The following MAGI2 variants were observed in gnomAD, a reference collection of about 807,000 sequenced individuals.
MAGI2 encodes the protein membrane associated guanylate kinase, WW and PDZ domain containing 2.
A neutral mutation model predicts 133.3 loss-of-function variants in MAGI2; 35 were observed. That is an observed-to-expected ratio of 0.26 (90% CI 0.20 to 0.35). The LOEUF is 0.35. Ranked by LOEUF, MAGI2 falls within the 10% of genes least tolerant of loss-of-function variation. The pLI is 1.00. For synonymous variants in MAGI2, 729 were observed against 710.6 expected, an observed-to-expected ratio of 1.03 and a Z score of -0.41; for missense variants, 1,636 against 1,863.4, an observed-to-expected ratio of 0.88 and a Z score of 2.25.
chr7:78,831,995 G>C (rs921884985), intron 2 of MAGI2, among the ~76,000 whole-genome samples: 8 of 152,264 alleles, frequency 5.3e-5, no homozygotes, highest in African/African-American at 1.9e-4. Flanking sequence ...ATTACCTGCA[G>C]AAAGAGCGAA....
intron 7 of MAGI2, among the ~76,000 whole-genome samples, chr7:78,362,678 A>T (rs1014741069): frequency 6.6e-6 from 1 of 152,260 alleles, no homozygotes; most frequent in African/African-American, 2.4e-5. Context: ...TAATAAAAAA[A>T]CTAGCTCTAG....
intron 9 of MAGI2, among the ~76,000 whole-genome samples, chr7:78,283,198 T>TTAAG (rs1491175714): frequency 3.3e-5 from 5 of 151,610 alleles, no homozygotes; most frequent in East Asian, 1.9e-4. Context: ...ATTCTAAAAC[T>TTAAG]TAAGTACAGA....
intron 10 of MAGI2, among the ~76,000 whole-genome samples, chr7:78,225,418 C>G (rs962668629): frequency 2.6e-5 from 4 of 152,066 alleles, no homozygotes; most frequent in African/African-American, 9.7e-5. Context: ...GGCACAGTCA[C>G]CATTCACTGC....
At chr7:79,195,411 A>G (rs975818620) in intron 1 of MAGI2, among the ~76,000 whole-genome samples, 3 of 152,066 alleles carry the variant, frequency 2.0e-5, no homozygotes, top group Non-Finnish European at 2.9e-5. Flanking sequence ...AAATCCAGAA[A>G]AAATAGAAAA....
intron 1 of MAGI2, among the ~76,000 whole-genome samples, chr7:79,385,653 A>G (rs1844121981): frequency 6.6e-6 from 1 of 151,944 alleles, no homozygotes. Context: ...TGCACACAGA[A>G]AAAGAGAATG....
At chr7:79,056,860 T>A (rs1257267077) in intron 1 of MAGI2, among the ~76,000 whole-genome samples, 1 of 152,234 alleles carries the variant, frequency 6.6e-6, no homozygotes, top group East Asian at 1.9e-4. Flanking sequence ...CCTAGGACTA[T>A]ATTTAGTGGA....
At chr7:78,213,851 T>C (rs2150812837) in intron 10 of MAGI2, among the ~76,000 whole-genome samples, 1 of 152,326 alleles carries the variant, frequency 6.6e-6, no homozygotes, top group East Asian at 1.9e-4. Context: ...TCAAATTTAA[T>C]CTAAGGTTTT....
intron 1 of MAGI2, among the ~76,000 whole-genome samples, chr7:79,432,340 T>C (rs1360993210): frequency 6.6e-6 from 1 of 152,192 alleles, no homozygotes; most frequent in African/African-American, 2.4e-5. Flanking sequence ...TAGCTGTTTG[T>C]TGAATTATTG....
chr7:78,167,000 A>G (rs1825685138), intron 15 of MAGI2, among the ~76,000 whole-genome samples: 1 of 152,068 alleles, frequency 6.6e-6, no homozygotes, highest in Non-Finnish European at 1.5e-5. Flanking sequence ...TCATATAGCT[A>G]AGGTCCTTCC....
At chr7:78,828,563 G>C (rs1228696845) in intron 2 of MAGI2, among the ~76,000 whole-genome samples, 1 of 152,096 alleles carries the variant, frequency 6.6e-6, no homozygotes. Flanking sequence ...ATGTAATATG[G>C]TATCTTGGAC....
At chr7:78,751,983 A>G (rs1030380013) in intron 2 of MAGI2, among the ~76,000 whole-genome samples, 9 of 152,208 alleles carry the variant, frequency 5.9e-5, no homozygotes, top group African/African-American at 2.2e-4. Context: ...ATAACCCTTC[A>G]ATCAAAGATC....
At chr7:79,015,728 T>A (rs912561593) in intron 1 of MAGI2, among the ~76,000 whole-genome samples, 1 of 152,140 alleles carries the variant, frequency 6.6e-6, no homozygotes, top group Admixed American at 6.5e-5. Context: ...ATTATAATTA[T>A]GTCCTCGGCC....
chr7:78,076,454 CAAAAA>C (rs55957020), intron 21 of MAGI2, among the ~76,000 whole-genome samples: 9 of 90,410 alleles, frequency 1.0e-4, no homozygotes, highest in Non-Finnish European at 1.7e-4. Flanking sequence ...GACCTTGTTT[CAAAAA>C]AAAAAAAAAA....
intron 1 of MAGI2, among the ~76,000 whole-genome samples, chr7:79,210,886 A>G (rs563524582): frequency 5.9e-5 from 9 of 152,066 alleles, no homozygotes; most frequent in African/African-American, 1.9e-4. Context: ...CACTTCTTTC[A>G]CTGTTGAATA....
chr7:78,114,384 G>A (rs968284470), intron 20 of MAGI2, among the ~76,000 whole-genome samples: 7 of 152,134 alleles, frequency 4.6e-5, no homozygotes, highest in Non-Finnish European at 8.8e-5. Context: ...TTTTCCCACT[G>A]GGAAATTCTG....
At chr7:78,030,851 C>T (rs1235942860) in intron 21 of MAGI2, among the ~76,000 whole-genome samples, 1 of 152,186 alleles carries the variant, frequency 6.6e-6, no homozygotes, top group Non-Finnish European at 1.5e-5. Flanking sequence ...TAACATCTGA[C>T]TCAGGAGTCT....
chr7:78,726,539 T>C (rs2151213552), intron 2 of MAGI2, among the ~76,000 whole-genome samples: 1 of 152,314 alleles, frequency 6.6e-6, no homozygotes, highest in African/African-American at 2.4e-5. Flanking sequence ...TCAGTTTCCT[T>C]TAACTGAAGT....
chr7:78,417,779 C>T (rs564018549), intron 6 of MAGI2, among the ~76,000 whole-genome samples: 3 of 152,222 alleles, frequency 2.0e-5, no homozygotes, highest in South Asian at 2.1e-4. Flanking sequence ...TACAGCCACA[C>T]GGACTTCAGT....
intron 3 of MAGI2, among the ~76,000 whole-genome samples, chr7:78,577,772 A>G (rs1463905484): frequency 6.6e-6 from 1 of 152,094 alleles, no homozygotes; most frequent in Non-Finnish European, 1.5e-5. Flanking sequence ...GGCCATTCTC[A>G]CTTCTTTTGT....
Sources: allele counts gnomAD v4.1 joint callset (sites outside exome capture counted in the v4.1 genomes callset), GRCh38; gene constraint gnomAD v4.1.1; transcripts MANE v1.5; gene names NCBI Gene and HGNC (gene_info 2026-07-23, HGNC 2026-07-21).